Variants in MYNN observed in about 807,000 individuals in gnomAD.
MYNN encodes the protein myoneurin.
MYNN carries 22 observed loss-of-function variants against 57.2 expected under a neutral mutation model. The ratio of observed to expected loss-of-function variants is 0.38; its 90% CI spans 0.27 to 0.55. The LOEUF is 0.55. Among genes scored for constraint, MYNN ranks in the 20% least tolerant of loss-of-function variants. The pLI is 0.71. For synonymous variants in MYNN, 241 were observed against 257.1 expected (o/e 0.94, Z 0.60); for missense variants, 566 against 723.1 (o/e 0.78, Z 2.49).
intron 6 of MYNN, 91 bp downstream of exon 6, chr3:169,783,651 GTATTTAGTCATACTGTACC>G: frequency 1.2e-6 from 1 of 843,934 alleles, no homozygotes; most frequent in South Asian, 1.4e-5. Flanking sequence ...GGACTATATG[GTATTTAGTCATACTGTACC>G]TATAGCAATA....
Position 169,786,467 on chromosome 3 carries a change from A to G in MYNN, c.1622A>G (p.Gln541Arg), listed in dbSNP as rs771584188. 24 of 1,613,648 alleles carry G rather than the reference A, an allele frequency of 1.5e-5. No individual in the cohort carries two copies. The Admixed American group carries it at 3.7e-4, about 25-fold the overall frequency. Residue 541 changes from glutamine to arginine, a missense_variant, in exon 8 of 8, where the codon CAG (glutamine) becomes CGG (arginine). Gln to Arg is a conservative substitution (Grantham distance 43, BLOSUM62 1). This residue lies in a region of MYNN where 156 missense variants were observed against 163.9 expected (regional missense o/e 0.95). Transcript: ENST00000349841. ...GCAGAGGATCATACTTTGAGTGAAC[A>G]GGATTCCATACAAAAAAGTCCTTTA... ...SSAEDHTLSE[Q>R]DSIQKSPLSE... is the part of the protein sequence containing the mutation.
intron 3 of MYNN, chr3:169,780,213 A>G (rs1415016726): frequency 6.4e-6 from 1 of 156,230 alleles, no homozygotes; most frequent in Non-Finnish European, 1.4e-5. Context: ...GCCTGCCACC[A>G]AGTCCGGCTA....
Position 169,782,841 on chromosome 3 carries a change from GAAAT to G in MYNN, c.1399+203_1399+206del, listed in dbSNP as rs373897000. On this transcript the variant is annotated intron_variant, in intron 5 of 7. Coordinates refer to ENST00000349841, the MANE Select transcript of MYNN (RefSeq NM_018657.5). This position sits in a 1 kb window ranked among gnomAD's most constrained non-coding sequence, Gnocchi z 4.8. Reference sequence around the variant, plus strand: ...TTTTCTAGAATAATACAAGGTGGGTGAAATAAATTATATAACTTACACATTAAAA... The same window carrying G: ...TTTTCTAGAATAATACAAGGTGGGTGAAATTATATAACTTACACATTAAAA... Among the ~76,000 whole-genome samples, 6 of 152,206 alleles carry G rather than the reference GAAAT, an allele frequency of 3.9e-5. 1 individual carries two copies. Among genetic ancestry groups the G allele is most frequent in the African/African-American group, 1.4e-4 (6 of 41,538 alleles).
Position 169,780,619 on chromosome 3 carries a change from G to A in MYNN, c.1090G>A (p.Asp364Asn). 6.2e-7 allele frequency: 1 copy of A among 1,608,924 alleles called. No individual in the cohort carries two copies. Among genetic ancestry groups the A allele is most frequent in the Non-Finnish European group, 8.5e-7 (1 of 1,178,510 alleles). Reference sequence around the variant, plus strand: ...GAAGCCATACAAATGTGAATTGTGTGATAAAGGATTTGCTCAGAAATGTCA... The same window carrying A: ...GAAGCCATACAAATGTGAATTGTGTAATAAAGGATTTGCTCAGAAATGTCA... Reference protein sequence around the residue: ...GEKPYKCELCDKGFAQKCQLV... With the variant: ...GEKPYKCELCNKGFAQKCQLV... The change falls in exon 4 of 8, where the codon GAT becomes AAT. Residue 364 changes from aspartate to asparagine, a missense_variant. By Grantham distance (23) the Asp-to-Asn change is conservative. This residue lies in a region of MYNN where 123 missense variants were observed against 222.6 expected (regional missense o/e 0.55). Coordinates refer to ENST00000349841, the MANE Select transcript of MYNN (RefSeq NM_018657.5).
chr3:169,773,961 G>A (rs568315645), intron 1 of MYNN: 1 of 271,472 alleles, frequency 3.7e-6, no homozygotes, highest in East Asian at 7.8e-5. Flanking sequence ...ACATAAGTAT[G>A]TCTACTGAGC....
Position 169,780,747 on chromosome 3 carries a change from A to C in MYNN, c.1218A>C (p.Ala406=), listed in dbSNP as rs1577397855. ...FATSSNLKIH[A]RKHSGEKPYV... ...CTTCTAGCAATCTCAAGATTCATGCAAGGTAAAAAACCAAATGAGTTGTTT... is the reference window on the plus strand; with the variant it reads ...CTTCTAGCAATCTCAAGATTCATGCCAGGTAAAAAACCAAATGAGTTGTTT... Residue 406 remains alanine (A), a splice_region_variant and synonymous_variant, in exon 4 of 8, where the codon GCA becomes GCC. Coordinates refer to ENST00000349841, the MANE Select transcript of MYNN (RefSeq NM_018657.5). 5.0e-6 allele frequency: 8 copies of C among 1,597,582 alleles called. No individual in the cohort carries two copies. Among genetic ancestry groups the C allele is most frequent in the Admixed American group, 1.8e-5 (1 of 55,390 alleles).
At chr3:169,776,229 C>G (rs1487743119) in intron 2 of MYNN, among the ~76,000 whole-genome samples, 1 of 152,182 alleles carries the variant, frequency 6.6e-6, no homozygotes. Flanking sequence ...TGGTACATAT[C>G]TTTCCTGGAG....
intron 6 of MYNN, 69 bp from the exon 7 acceptor site, chr3:169,784,553 C>T (rs986682952): frequency 9.8e-7 from 1 of 1,023,504 alleles, no homozygotes; most frequent in South Asian, 1.5e-5. Flanking sequence ...TGTTCATAAA[C>T]ATTGATATTT....
rs943384837 is a variant in MYNN at position 169,788,964 on chromosome 3, A to C, written c.*2286A>C. The C allele has an allele frequency of 6.6e-6, 1 of 152,136 alleles. No homozygotes were observed. Among genetic ancestry groups the C allele is most frequent in the Non-Finnish European group, 1.5e-5 (1 of 68,006 alleles). The allele number at this position is 152,136 out of a possible 1,614,324, so 9.4% of individuals were successfully genotyped here. ...TAAGTCCAACTTTATATTTGTTACA[A>C]TGCAGTGTTTTGGGAAAGGTCTATT... On this transcript the variant is annotated 3_prime_UTR_variant, in exon 8 of 8. Transcript: ENST00000349841.
Position 169,779,038 on chromosome 3 carries a change from GAAA to G in MYNN, c.540_542del (p.Lys184del), listed in dbSNP as rs767183982. On this transcript the variant is annotated inframe_deletion, in exon 3 of 8. Transcript: ENST00000349841. ...CGTTAGCGAAAAAGTCATCTCAAAC[GAAA>G]AAGAAGAAGAAGGCTTTCAACTCCC... The G allele has an allele frequency of 3.1e-6, 5 of 1,613,944 alleles. No individual in the cohort carries two copies. Among genetic ancestry groups the G allele is most frequent in the Middle Eastern group, 1.6e-4 (1 of 6,062 alleles).
chr3:169,774,684 G>A, intron 2 of MYNN, 123 bp downstream of exon 2: 3 of 899,816 alleles, frequency 3.3e-6, no homozygotes, highest in Non-Finnish European at 5.1e-6. Context: ...TGCACACAAT[G>A]TTTGTTTTTA....
chr3:169,774,615 C>T, intron 2 of MYNN, 54 bp downstream of exon 2: 1 of 1,480,800 alleles, frequency 6.8e-7, no homozygotes, highest in Non-Finnish European at 9.2e-7. Flanking sequence ...GTCTTCACAG[C>T]AAAAGTAGAT....
At chr3:169,773,737 T>C (rs1778243810) in intron 1 of MYNN, among the ~76,000 whole-genome samples, 3 of 152,156 alleles carry the variant, frequency 2.0e-5, no homozygotes, top group Admixed American at 2.0e-4. Flanking sequence ...GGAGAAGGTG[T>C]GGCCTCCTTA....
rs1778684218 is a variant in MYNN at position 169,786,554 on chromosome 3, C to T, written c.1709C>T (p.Thr570Ile). ...MTLPLALPLG[T>I]EDHHMLLPVT... ...TTACCATTAGCTCTTCCACTTGGGA[C>T]TGAGGACCATCACATGCTTCTGCCT... The change falls in exon 8 of 8, where the codon ACT becomes ATT. Residue 570 changes from threonine to isoleucine, a missense_variant. By Grantham distance (89) the Thr-to-Ile change is moderately conservative. Coordinates refer to ENST00000349841, the MANE Select transcript of MYNN (RefSeq NM_018657.5). The T allele has an allele frequency of 3.7e-6, 6 of 1,613,610 alleles. No individual in the cohort carries two copies. The highest frequency in any genetic ancestry group is 5.1e-6 in the Non-Finnish European group (6 of 1,179,714).
At position 169,784,611 on chromosome 3, in the gene MYNN, T is replaced by A; in HGVS notation, c.1484-11T>A. ...AAATATTGAAATTTAAACTTCTAAT[T>A]TGTTTTTCAGGAGAAAGACCATTTA... On this transcript the variant is annotated splice_polypyrimidine_tract_variant and intron_variant, in intron 6 of 7. Transcript: ENST00000349841. The A allele has an allele frequency of 6.7e-7, 1 of 1,501,940 alleles. No homozygotes were observed. Among genetic ancestry groups the A allele is most frequent in the Non-Finnish European group, 9.0e-7 (1 of 1,105,070 alleles). The allele number at this position is 1,501,940 out of a possible 1,614,324, so 93.0% of individuals were successfully genotyped here.
At chr3:169,781,368 G>A (rs1308587003) in intron 4 of MYNN, among the ~76,000 whole-genome samples, 1 of 152,196 alleles carries the variant, frequency 6.6e-6, no homozygotes, top group Non-Finnish European at 1.5e-5. Flanking sequence ...TCTGAATAGA[G>A]GTGTGCAATA....
intron 2 of MYNN, among the ~76,000 whole-genome samples, chr3:169,777,024 G>C (rs1778368237): frequency 6.6e-6 from 1 of 152,094 alleles, no homozygotes; most frequent in African/African-American, 2.4e-5. Context: ...AACTTATATT[G>C]GTCTTAAAGG....
intron 7 of MYNN, among the ~76,000 whole-genome samples, chr3:169,785,300 C>T (rs989895718): frequency 4.0e-5 from 6 of 151,832 alleles, no homozygotes; most frequent in African/African-American, 9.7e-5. Flanking sequence ...ACTTAAACAT[C>T]GTAAGTATTA....
rs115760243 is a variant in MYNN, at chr3:169,782,301, A to T, written c.1221-164A>T. 0.015 allele frequency among the ~76,000 whole-genome samples: 2,226 copies of T among 152,300 alleles called. 30 individuals carry two copies. Among genetic ancestry groups the T allele is most frequent in the South Asian group, 0.052 (252 of 4,828 alleles). On this transcript the variant is annotated intron_variant, in intron 4 of 7. Coordinates refer to ENST00000349841, the MANE Select transcript of MYNN (RefSeq NM_018657.5). The surrounding 1 kb of genome is among the most constrained non-coding windows in gnomAD (Gnocchi z 4.8). ...AACTAATGTTTTGATAATAAGAAAT[A>T]TTTGTTTTTGGCAGTGTTTACACTG...
Sources: allele counts gnomAD v4.1 joint callset (sites outside exome capture counted in the v4.1 genomes callset), GRCh38; gene constraint gnomAD v4.1.1; regional missense constraint gnomAD v4.1.1; non-coding constraint Gnocchi (gnomAD v3.1); transcripts MANE v1.5; gene names NCBI Gene and HGNC (gene_info 2026-07-23, HGNC 2026-07-21).